TPH2: variants seen among roughly 807,000 people sequenced by gnomAD.
TPH2 encodes the protein tryptophan hydroxylase 2.
A neutral mutation model predicts 59.1 loss-of-function variants in TPH2; 27 were observed. The ratio of observed to expected loss-of-function variants is 0.46; its 90% CI spans 0.34 to 0.63. TPH2 has a LOEUF of 0.63. Ranked by LOEUF, TPH2 falls within the 30% of genes least tolerant of loss-of-function variation. TPH2 has a pLI of 0.01. For synonymous variants in TPH2, 220 were observed against 210.5 expected, an observed-to-expected ratio of 1.05 and a Z score of -0.39; for missense variants, 523 against 588.3, an observed-to-expected ratio of 0.89 and a Z score of 1.15.
At chr12:72,005,292 A>G (rs1270591339) in intron 8 of TPH2, among the ~76,000 whole-genome samples, 1 of 152,136 alleles carries the variant, frequency 6.6e-6, no homozygotes, top group East Asian at 1.9e-4. Flanking sequence ...TCAGCAATGA[A>G]GAGGAGGCTA....
At position 72,008,816 on chromosome 12, in the gene TPH2, G is replaced by A. The variant is rs148656159; in HGVS notation, c.1069-13583G>A. Among the ~76,000 whole-genome samples, 7 of 152,220 alleles carry A rather than the reference G, an allele frequency of 4.6e-5. No homozygotes were observed. The East Asian group carries it at 1.4e-3, about 29-fold the overall frequency. ...GTTGTGACCAAGTGAGACAGCAGAA[G>A]CCCTTGTTCATTGTCCTGGAGAGCC... On this transcript the variant is annotated intron_variant, in intron 8 of 10. Coordinates refer to ENST00000333850, the MANE Select transcript of TPH2 (RefSeq NM_173353.4).
intron 8 of TPH2, among the ~76,000 whole-genome samples, chr12:72,021,376 TG>T: frequency 6.6e-6 from 1 of 151,138 alleles, no homozygotes; most frequent in Non-Finnish European, 1.5e-5. Context: ...TGTGTGTGTG[TG>T]TGTGTGTGTG....
intron 2 of TPH2, among the ~76,000 whole-genome samples, chr12:71,943,476 A>G (rs1871126343): frequency 6.6e-6 from 1 of 152,158 alleles, no homozygotes; most frequent in East Asian, 1.9e-4. Context: ...CTGATTTTTA[A>G]ATATTAAATC....
At chr12:71,943,326 A>G (rs1871122908) in intron 2 of TPH2, among the ~76,000 whole-genome samples, 1 of 152,174 alleles carries the variant, frequency 6.6e-6, no homozygotes, top group Non-Finnish European at 1.5e-5. Flanking sequence ...GGATTGCATC[A>G]GGAATTGTGT....
Position 71,941,712 on chromosome 12 carries a change from A to G in TPH2, c.234A>G (p.Val78=), listed in dbSNP as rs780262563. Residue 78 remains valine, a synonymous_variant, in exon 2 of 11, where the codon GTA becomes GTG. Coordinates refer to ENST00000333850, the MANE Select transcript of TPH2 (RefSeq NM_173353.4). ...FSLKNEVGGL[V]KALRLFQEKR... is the part of the protein sequence containing the mutation. ...TGAAGAATGAAGTTGGTGGATTGGTAAAAGCACTGAGGCTCTTTCAGGTGA... is the reference window on the plus strand; with the variant it reads ...TGAAGAATGAAGTTGGTGGATTGGTGAAAGCACTGAGGCTCTTTCAGGTGA... 3.0e-5 allele frequency: 48 copies of G among 1,614,068 alleles called. No homozygotes were observed. Among genetic ancestry groups the G allele is most frequent in the Non-Finnish European group, 4.1e-5 (48 of 1,179,940 alleles).
At chr12:72,016,145 G>T (rs1430996289) in intron 8 of TPH2, among the ~76,000 whole-genome samples, 2 of 152,100 alleles carry the variant, frequency 1.3e-5, no homozygotes, top group Non-Finnish European at 2.9e-5. Flanking sequence ...CTATAAAATG[G>T]AAATAATAAG....
intron 7 of TPH2, among the ~76,000 whole-genome samples, chr12:71,984,726 A>C (rs943018128): frequency 1.3e-5 from 2 of 152,212 alleles, no homozygotes; most frequent in Admixed American, 6.5e-5. Context: ...CTTGCTGCTC[A>C]GGATTGCAGT....
chr12:71,942,075 G>A (rs10748185), intron 2 of TPH2, among the ~76,000 whole-genome samples: 63,825 of 151,960 alleles, frequency 0.42, 14,220 homozygotes, highest in Middle Eastern at 0.49. Context: ...CCTGCAACTT[G>A]ATTTGATTTG....
At chr12:72,010,262 G>T (rs1209579272) in intron 8 of TPH2, among the ~76,000 whole-genome samples, 1 of 152,126 alleles carries the variant, frequency 6.6e-6, no homozygotes, top group African/African-American at 2.4e-5. Flanking sequence ...CAGTGTGTCT[G>T]GTGGAGTGCA....
rs561289567 is a variant in TPH2, at chr12:72,018,652, C to T, written c.1069-3747C>T. 5.9e-5 allele frequency among the ~76,000 whole-genome samples: 9 copies of T among 152,250 alleles called. No individual in the cohort carries two copies. The South Asian group carries it at 6.2e-4, about 11-fold the overall frequency. The stretch of plus-strand genomic sequence containing the variant: ...TGAATTTGATAGCACATTTTTTCCA[C>T]GAGCTCTTCTATATTCAATGTTAAG... On this transcript the variant is annotated intron_variant, in intron 8 of 10. Transcript: ENST00000333850.
At chr12:71,970,219 G>A (rs1038149404) in intron 5 of TPH2, among the ~76,000 whole-genome samples, 8 of 152,138 alleles carry the variant, frequency 5.3e-5, no homozygotes, top group African/African-American at 1.9e-4. Context: ...ACCGGAGGCC[G>A]ACTTACTTGG....
chr12:71,959,548 C>T (rs1871618161), intron 5 of TPH2, among the ~76,000 whole-genome samples: 1 of 152,190 alleles, frequency 6.6e-6, no homozygotes, highest in African/African-American at 2.4e-5. Context: ...ACTGGGGTGG[C>T]TCTACCTCTC....
chr12:71,948,712 C>G (rs944551361), intron 4 of TPH2, among the ~76,000 whole-genome samples: 5 of 152,160 alleles, frequency 3.3e-5, no homozygotes, highest in African/African-American at 1.2e-4. Context: ...GGTTATCCTT[C>G]CAGGTTGCAG....
intron 5 of TPH2, among the ~76,000 whole-genome samples, chr12:71,950,229 C>T (rs1052320368): frequency 6.6e-6 from 1 of 152,158 alleles, no homozygotes; most frequent in East Asian, 1.9e-4. Context: ...TGCTAAGTGG[C>T]AGTGACTTTC....
Position 72,012,943 on chromosome 12 carries a change from C to T in TPH2, c.1069-9456C>T, listed in dbSNP as rs111986497. On this transcript the variant is annotated intron_variant, in intron 8 of 10. Coordinates refer to ENST00000333850, the MANE Select transcript of TPH2 (RefSeq NM_173353.4). ...CAATAAAACTGAAATGGCCAGAGTACACTTAAACACAATCACCCATTTATT... is the reference window on the plus strand; with the variant it reads ...CAATAAAACTGAAATGGCCAGAGTATACTTAAACACAATCACCCATTTATT... 6.1e-3 allele frequency among the ~76,000 whole-genome samples: 922 copies of T among 152,222 alleles called. 7 individuals carry two copies. Among genetic ancestry groups the T allele is most frequent in the Admixed American group, 9.2e-3 (140 of 15,290 alleles).
intron 5 of TPH2, among the ~76,000 whole-genome samples, chr12:71,951,217 C>A (rs550906356): frequency 6.6e-6 from 1 of 152,098 alleles, no homozygotes; most frequent in Non-Finnish European, 1.5e-5. Flanking sequence ...AGAGAGGACT[C>A]GGATGGGCTG....
chr12:71,989,424 A>G (rs1246573721), intron 7 of TPH2, among the ~76,000 whole-genome samples: 1 of 152,166 alleles, frequency 6.6e-6, no homozygotes, highest in Non-Finnish European at 1.5e-5. Context: ...AACGCACCCT[A>G]TTTTGGCTCC....
chr12:71,997,982 C>T (rs1284626701), intron 8 of TPH2, among the ~76,000 whole-genome samples: 3 of 152,114 alleles, frequency 2.0e-5, no homozygotes, highest in Non-Finnish European at 4.4e-5. Flanking sequence ...ATGGTCTTCT[C>T]TATATAGGTC....
intron 8 of TPH2, among the ~76,000 whole-genome samples, chr12:72,021,755 T>C (rs1873426662): frequency 6.6e-6 from 1 of 152,198 alleles, no homozygotes; most frequent in Non-Finnish European, 1.5e-5. Flanking sequence ...CATACACAAA[T>C]ACATATATAA....
Sources: allele counts gnomAD v4.1 joint callset (sites outside exome capture counted in the v4.1 genomes callset), GRCh38; gene constraint gnomAD v4.1.1; transcripts MANE v1.5; gene names NCBI Gene and HGNC (gene_info 2026-07-23, HGNC 2026-07-21).